The following SHISA6 variants were observed in gnomAD, a reference collection of about 807,000 sequenced individuals.
SHISA6 encodes the protein protein shisa-6.
In SHISA6, 22 loss-of-function variants were observed where a neutral mutation model predicts 47.9. That is an observed-to-expected ratio of 0.46 (90% CI 0.33 to 0.66). The LOEUF (loss-of-function observed/expected upper bound fraction) is 0.66, where lower values mean the gene tolerates loss of function less well. Among genes scored for constraint, SHISA6 ranks in the 30% least tolerant of loss-of-function variants. The pLI, the probability that SHISA6 is intolerant of heterozygous loss-of-function variation, is 0.02. For synonymous variants in SHISA6, 388 were observed against 337.8 expected (o/e 1.15, Z -1.63); for missense variants, 680 against 764.6 (o/e 0.89, Z 1.30).
chr17:11,350,692 ATT>A (rs1911859653), intron 2 of SHISA6, among the ~76,000 whole-genome samples: 1 of 152,050 alleles, frequency 6.6e-6, no homozygotes, highest in Non-Finnish European at 1.5e-5. Flanking sequence ...TTATTTAATT[ATT>A]GTAGAGTGAT....
intron 3 of SHISA6, among the ~76,000 whole-genome samples, chr17:11,441,787 T>C (rs926346206): frequency 1.3e-5 from 2 of 152,330 alleles, no homozygotes; most frequent in South Asian, 4.1e-4. Flanking sequence ...TTCATTCAGA[T>C]GGACCTTGAG....
intron 2 of SHISA6, among the ~76,000 whole-genome samples, chr17:11,281,212 C>T (rs930553026): frequency 6.6e-5 from 10 of 152,054 alleles, no homozygotes; most frequent in Non-Finnish European, 1.5e-4. Context: ...GTATAACATA[C>T]AGTCAAAGTG....
chr17:11,380,612 A>G, intron 3 of SHISA6, among the ~76,000 whole-genome samples: 1 of 152,194 alleles, frequency 6.6e-6, no homozygotes, highest in Non-Finnish European at 1.5e-5. Flanking sequence ...TCCCCACATC[A>G]TCCACTTTGT....
rs1286057638 is a variant in SHISA6 at position 11,431,132 on chromosome 17, T to A, written c.895+51623T>A. Among the ~76,000 whole-genome samples, 3 of 152,202 alleles carry A rather than the reference T, an allele frequency of 2.0e-5. No homozygotes were observed. The East Asian group carries it at 5.8e-4, about 29-fold the overall frequency. The stretch of plus-strand genomic sequence containing the variant: ...ATCTTCTTCCGTCGGAAAGACGGGA[T>A]TCTCTTCTCATGTCCCCCCTGAGTC... On this transcript the variant is annotated intron_variant, in intron 3 of 5. Coordinates refer to ENST00000441885, the MANE Select transcript of SHISA6 (RefSeq NM_207386.4).
At chr17:11,315,936 G>T (rs998599722) in intron 2 of SHISA6, among the ~76,000 whole-genome samples, 1 of 151,970 alleles carries the variant, frequency 6.6e-6, no homozygotes, top group Admixed American at 6.6e-5. Flanking sequence ...CATTTTTTAT[G>T]CTCTGAAGTG....
intron 2 of SHISA6, among the ~76,000 whole-genome samples, chr17:11,353,480 G>A (rs1047363734): frequency 6.6e-5 from 10 of 151,682 alleles, no homozygotes; most frequent in South Asian, 2.1e-4. Context: ...AGGGTGAGGC[G>A]GGGGGTCCTC....
intron 3 of SHISA6, among the ~76,000 whole-genome samples, chr17:11,433,612 A>G (rs1383328089): frequency 6.6e-6 from 1 of 152,164 alleles, no homozygotes; most frequent in African/African-American, 2.4e-5. Flanking sequence ...TAGAAATGCC[A>G]TTTGACCCAG....
chr17:11,274,200 G>T (rs1423431104), intron 2 of SHISA6, among the ~76,000 whole-genome samples: 1 of 152,188 alleles, frequency 6.6e-6, no homozygotes. Context: ...GACAGAGAGA[G>T]CCTACTTTCC....
At chr17:11,549,993 T>G (rs1357781855) in intron 3 of SHISA6, among the ~76,000 whole-genome samples, 1 of 152,156 alleles carries the variant, frequency 6.6e-6, no homozygotes, top group African/African-American at 2.4e-5. Context: ...GAAGGGACAG[T>G]ATCTTCATGT....
At chr17:11,459,353 T>C (rs1915642290) in intron 3 of SHISA6, among the ~76,000 whole-genome samples, 1 of 152,126 alleles carries the variant, frequency 6.6e-6, no homozygotes, top group Admixed American at 6.5e-5. Context: ...ATACTAATAA[T>C]ATGCCCCTGC....
intron 2 of SHISA6, among the ~76,000 whole-genome samples, chr17:11,368,057 G>A (rs1912512279): frequency 6.6e-6 from 1 of 152,006 alleles, no homozygotes; most frequent in South Asian, 2.1e-4. Flanking sequence ...CTTTTCCAAA[G>A]AATCAAGAGA....
chr17:11,522,565 T>A (rs958838436), intron 3 of SHISA6, among the ~76,000 whole-genome samples: 1 of 152,204 alleles, frequency 6.6e-6, no homozygotes, highest in Non-Finnish European at 1.5e-5. Flanking sequence ...ATGAAAATGG[T>A]GTGCTTTGAT....
chr17:11,251,440 A>G (rs1247081078), intron 1 of SHISA6, among the ~76,000 whole-genome samples: 1 of 151,946 alleles, frequency 6.6e-6, no homozygotes, highest in African/African-American at 2.4e-5. Flanking sequence ...AAAAAACTTG[A>G]CAATATTGAA....
intron 3 of SHISA6, among the ~76,000 whole-genome samples, chr17:11,390,462 G>C (rs186184964): frequency 2.0e-4 from 31 of 152,314 alleles, no homozygotes; most frequent in Admixed American, 1.6e-3. Context: ...ACCAGCCATT[G>C]GGCTTCACTT....
At chr17:11,333,663 T>C (rs963808109) in intron 2 of SHISA6, among the ~76,000 whole-genome samples, 4 of 152,152 alleles carry the variant, frequency 2.6e-5, no homozygotes, top group East Asian at 1.9e-4. Flanking sequence ...TACAGATGCA[T>C]GCCACCATTC....
intron 3 of SHISA6, among the ~76,000 whole-genome samples, chr17:11,549,201 CAT>C (rs2071909170): frequency 1.3e-5 from 2 of 152,108 alleles, no homozygotes; most frequent in Non-Finnish European, 2.9e-5. Flanking sequence ...TGTAAGCACT[CAT>C]ATAATCATCC....
At chr17:11,526,705 TAAGCATTTTGCTG>T (rs1289874901) in intron 3 of SHISA6, among the ~76,000 whole-genome samples, 14 of 152,058 alleles carry the variant, frequency 9.2e-5, no homozygotes, top group African/African-American at 3.4e-4. Context: ...ATGGAGCATT[TAAGCATTTTGCTG>T]AAGCATTTTG....
intron 3 of SHISA6, among the ~76,000 whole-genome samples, chr17:11,395,792 A>G (rs1913551984): frequency 6.6e-6 from 1 of 152,138 alleles, no homozygotes; most frequent in Admixed American, 6.5e-5. Flanking sequence ...TGCTGGGATT[A>G]CAGGCCTGAA....
chr17:11,503,345 G>A (rs965903681), intron 3 of SHISA6, among the ~76,000 whole-genome samples: 9 of 150,552 alleles, frequency 6.0e-5, no homozygotes, highest in African/African-American at 2.0e-4. Flanking sequence ...GCAAAAACAG[G>A]CTCCCCTTCG....
Sources: gnomAD v4.1 joint callset for allele counts (sites outside exome capture counted in the v4.1 genomes callset) on GRCh38, gnomAD v4.1.1 for gene constraint, MANE v1.5 for transcripts, NCBI Gene and HGNC (gene_info 2026-07-23, HGNC 2026-07-21) for gene names.